Variants in KCNT2 observed in about 807,000 individuals in gnomAD.
KCNT2 encodes potassium channel subfamily T member 2.
Under a neutral mutation model 153.8 loss-of-function variants are expected in KCNT2, and 67 were observed. That is an observed-to-expected ratio of 0.44 (90% CI 0.36 to 0.53). KCNT2 has a LOEUF of 0.53. KCNT2 is among the 20% of genes least tolerant of loss of function. The probability of loss-of-function intolerance (pLI) is 0.00; values close to 1 mark genes in which losing one functional copy is unlikely to be tolerated. For missense variants in KCNT2, 975 were observed against 1,354.8 expected (o/e 0.72, Z 4.40); for synonymous variants, 500 against 458.8 (o/e 1.09, Z -1.15).
intron 14 of KCNT2, among the ~76,000 whole-genome samples, chr1:196,363,455 A>T (rs1483718569): frequency 6.6e-6 from 1 of 152,100 alleles, no homozygotes; most frequent in Non-Finnish European, 1.5e-5. Context: ...TCTGAGCCTT[A>T]AGTGTTGCTA....
intron 1 of KCNT2, among the ~76,000 whole-genome samples, chr1:196,586,578 C>T (rs1343671503): frequency 2.0e-5 from 3 of 152,048 alleles, no homozygotes; most frequent in Non-Finnish European, 4.4e-5. Context: ...CATTGAGTCA[C>T]TTTCTTACTC....
At chr1:196,284,281 T>A (rs1311724394) in intron 23 of KCNT2, among the ~76,000 whole-genome samples, 4 of 60,612 alleles carry the variant, frequency 6.6e-5, no homozygotes, top group South Asian at 6.4e-4. Flanking sequence ...ATATATATAG[T>A]TCTAGTTCAC....
intron 8 of KCNT2, among the ~76,000 whole-genome samples, chr1:196,459,427 GA>G (rs958625893): frequency 1.1e-4 from 16 of 150,338 alleles, no homozygotes; most frequent in Non-Finnish European, 2.4e-4. Context: ...GAAAGAAATA[GA>G]AAAAAAAAGT....
chr1:196,414,344 C>G (rs535327846), intron 12 of KCNT2, among the ~76,000 whole-genome samples: 1 of 151,810 alleles, frequency 6.6e-6, no homozygotes, highest in South Asian at 2.1e-4. Flanking sequence ...TGGAAATGCT[C>G]TATCCAGAAA....
chr1:196,257,434 CCTAT>C lies in KCNT2; in HGVS notation c.3211+756_3211+759del, dbSNP rs1055467856. The C allele has an allele frequency of 1.0e-4, 97 of 968,594 alleles. No homozygotes were observed. The African/African-American group carries it at 1.6e-3, about 16-fold the overall frequency. The allele number at this position is 968,594 out of a possible 1,614,324, so 60.0% of individuals were successfully genotyped here. A position where few individuals can be genotyped will look rare whatever the true frequency, so the allele number is the denominator to read the frequency against. On this transcript the variant is annotated intron_variant, in intron 26 of 27. Transcript: ENST00000294725. ...GATTCTTAACTTGCATGATACTAAC[CCTAT>C]CTGAGTTCCTGGTTTACCATGTTAC...
chr1:196,248,645 G>A (rs1655663246), intron 26 of KCNT2, among the ~76,000 whole-genome samples: 1 of 151,864 alleles, frequency 6.6e-6, no homozygotes, highest in African/African-American at 2.4e-5. Flanking sequence ...TGACATGAAA[G>A]CCATAATAAG....
intron 26 of KCNT2, among the ~76,000 whole-genome samples, chr1:196,246,843 A>G (rs924799283): frequency 1.3e-5 from 2 of 152,190 alleles, no homozygotes; most frequent in Non-Finnish European, 2.9e-5. Context: ...TCTAACAGGA[A>G]GATGAGAAGG....
chr1:196,385,772 A>AAT (rs1553308934), intron 13 of KCNT2, among the ~76,000 whole-genome samples: 7,737 of 148,364 alleles, frequency 0.052, 299 homozygotes, highest in Non-Finnish European at 0.08. Flanking sequence ...GCATTAAAAA[A>AAT]ATATATATAT....
chr1:196,449,022 T>C (rs762582565), intron 8 of KCNT2, among the ~76,000 whole-genome samples: 4 of 151,706 alleles, frequency 2.6e-5, no homozygotes, highest in Non-Finnish European at 5.9e-5. Context: ...TATTCAGCAC[T>C]GGGCCCTGTT....
intron 10 of KCNT2, 53 bp downstream of exon 10, chr1:196,428,052 C>T: frequency 7.2e-7 from 1 of 1,385,354 alleles, no homozygotes; most frequent in Non-Finnish European, 1.0e-6. Context: ...TTGACTTTGA[C>T]AATATGTTAG....
At chr1:196,595,884 G>C (rs1358026616) in intron 1 of KCNT2, among the ~76,000 whole-genome samples, 1 of 151,612 alleles carries the variant, frequency 6.6e-6, no homozygotes, top group East Asian at 1.9e-4. Flanking sequence ...TATATCACTC[G>C]TAGGCCTTTG....
At chr1:196,487,482 T>C (rs1333666250) in intron 3 of KCNT2, among the ~76,000 whole-genome samples, 2 of 150,554 alleles carry the variant, frequency 1.3e-5, no homozygotes, top group Admixed American at 6.7e-5. Flanking sequence ...ATGTGAATCA[T>C]TATATGGAGA....
At chr1:196,455,671 C>A (rs1005530714) in intron 8 of KCNT2, among the ~76,000 whole-genome samples, 1 of 151,884 alleles carries the variant, frequency 6.6e-6, no homozygotes, top group Non-Finnish European at 1.5e-5. Flanking sequence ...TAATTAGAGA[C>A]CTATCTAGAT....
At chr1:196,286,724 C>T (rs1349813876) in intron 22 of KCNT2, among the ~76,000 whole-genome samples, 1 of 151,416 alleles carries the variant, frequency 6.6e-6, no homozygotes. Context: ...ATGAGGGTTT[C>T]TTTTTAAAAA....
At chr1:196,464,774 T>G (rs376213884) in intron 8 of KCNT2, among the ~76,000 whole-genome samples, 1 of 152,026 alleles carries the variant, frequency 6.6e-6, no homozygotes, top group East Asian at 1.9e-4. Flanking sequence ...GTTTTTATAA[T>G]AAAGCATATT....
At chr1:196,479,309 C>G (rs1405221574) in intron 4 of KCNT2, 71 bp from the exon 5 acceptor site, 4 of 883,554 alleles carry the variant, frequency 4.5e-6, no homozygotes, top group South Asian at 1.5e-5. Flanking sequence ...GGCTATACTA[C>G]TAACTTTATT....
intron 14 of KCNT2, among the ~76,000 whole-genome samples, chr1:196,372,638 T>A (rs1668632635): frequency 6.6e-6 from 1 of 151,950 alleles, no homozygotes; most frequent in African/African-American, 2.4e-5. Flanking sequence ...AAGTGATTTA[T>A]ACTGCATTAG....
intron 20 of KCNT2, chr1:196,317,185 G>A (rs1395500520): frequency 2.3e-6 from 1 of 437,868 alleles, no homozygotes; most frequent in Non-Finnish European, 4.6e-6. Flanking sequence ...AAAGCCTTGA[G>A]TCCAAGATCC....
chr1:196,332,789 T>G (rs1664589458), intron 17 of KCNT2, among the ~76,000 whole-genome samples: 1 of 151,476 alleles, frequency 6.6e-6, no homozygotes, highest in Non-Finnish European at 1.5e-5. Flanking sequence ...TGGCTAGTTT[T>G]TTTTTTTTTT....
Sources: allele counts gnomAD v4.1 joint callset (sites outside exome capture counted in the v4.1 genomes callset), GRCh38; gene constraint gnomAD v4.1.1; transcripts MANE v1.5; gene names NCBI Gene and HGNC (gene_info 2026-07-23, HGNC 2026-07-21).